Variants in GAS7 observed in about 807,000 individuals in gnomAD.
GAS7 encodes growth arrest specific 7.
Under a neutral mutation model 71.1 loss-of-function variants are expected in GAS7, and 28 were observed. That is an observed-to-expected ratio of 0.39 (90% CI 0.29 to 0.54). The LOEUF (loss-of-function observed/expected upper bound fraction) is 0.54, where lower values mean the gene tolerates loss of function less well. GAS7 is among the 20% of genes least tolerant of loss of function. GAS7 has a pLI of 0.62. For missense variants in GAS7, 436 were observed against 627.8 expected, an observed-to-expected ratio of 0.69 and a Z score of 3.27; for synonymous variants, 258 against 245.8, an observed-to-expected ratio of 1.05 and a Z score of -0.46.
chr17:10,018,187 G>A (rs770472790), intron 2 of GAS7, among the ~76,000 whole-genome samples: 2 of 152,156 alleles, frequency 1.3e-5, no homozygotes, highest in South Asian at 2.1e-4. Flanking sequence ...AGGTGAGACC[G>A]GGGATTATTT....
At chr17:10,049,814 G>T (rs1293543151) in intron 1 of GAS7, among the ~76,000 whole-genome samples, 2 of 151,586 alleles carry the variant, frequency 1.3e-5, no homozygotes, top group African/African-American at 4.8e-5. Flanking sequence ...TAGAGACAGG[G>T]TTTCACCATG....
intron 1 of GAS7, among the ~76,000 whole-genome samples, chr17:10,051,319 C>T (rs1345140865): frequency 6.6e-6 from 1 of 152,180 alleles, no homozygotes; most frequent in Non-Finnish European, 1.5e-5. Context: ...TTCCCAACAG[C>T]ACGGCTAAAC....
chr17:10,180,184 T>C (rs1032974503), intron 1 of GAS7, among the ~76,000 whole-genome samples: 5 of 151,812 alleles, frequency 3.3e-5, no homozygotes, highest in Non-Finnish European at 5.9e-5. Context: ...CTATTAAAAA[T>C]ACAAAAATTA....
intron 1 of GAS7, among the ~76,000 whole-genome samples, chr17:10,136,337 G>T (rs2074038070): frequency 6.6e-6 from 1 of 152,202 alleles, no homozygotes; most frequent in Non-Finnish European, 1.5e-5. Flanking sequence ...AAACCCTTTA[G>T]TTATTTTTGA....
At chr17:10,068,665 G>C (rs1409477183) in intron 1 of GAS7, among the ~76,000 whole-genome samples, 3 of 152,082 alleles carry the variant, frequency 2.0e-5, no homozygotes, top group Non-Finnish European at 4.4e-5. Flanking sequence ...TCGGGAGGCT[G>C]AGATGGAAGG....
chr17:10,124,982 G>A (rs943172646), intron 1 of GAS7, among the ~76,000 whole-genome samples: 2 of 151,270 alleles, frequency 1.3e-5, no homozygotes, highest in Non-Finnish European at 2.9e-5. Context: ...GTGCACTTGA[G>A]TGGTCCACAT....
At chr17:9,931,989 T>A (rs955747866) in intron 9 of GAS7, among the ~76,000 whole-genome samples, 1 of 152,084 alleles carries the variant, frequency 6.6e-6, no homozygotes. Context: ...ACAGGACCAG[T>A]GAGTGCTGAA....
At chr17:9,927,695 C>T (rs1164330143) in intron 9 of GAS7, among the ~76,000 whole-genome samples, 1 of 152,108 alleles carries the variant, frequency 6.6e-6, no homozygotes, top group Non-Finnish European at 1.5e-5. Flanking sequence ...AAAGAACAGT[C>T]GAATGAATGC....
chr17:10,086,672 T>C (rs117214569), intron 1 of GAS7, among the ~76,000 whole-genome samples: 34 of 152,350 alleles, frequency 2.2e-4, no homozygotes, highest in Non-Finnish European at 4.1e-4. Flanking sequence ...CAAAGCTTAT[T>C]CATTAATACA....
intron 1 of GAS7, among the ~76,000 whole-genome samples, chr17:10,060,398 C>T (rs2073207210): frequency 6.6e-6 from 1 of 152,132 alleles, no homozygotes; most frequent in Admixed American, 6.5e-5. Flanking sequence ...GCAACTTTTC[C>T]CTGCTACCAC....
At chr17:9,957,980 A>G (rs552326574) in intron 5 of GAS7, among the ~76,000 whole-genome samples, 1 of 152,172 alleles carries the variant, frequency 6.6e-6, no homozygotes, top group Non-Finnish European at 1.5e-5. Flanking sequence ...CAGTTTCCTC[A>G]TCTGTAAACA....
intron 1 of GAS7, among the ~76,000 whole-genome samples, chr17:10,178,702 CTTTTTTTTTTTTTTTTT>C (rs397857157): frequency 1.2e-4 from 4 of 34,534 alleles, no homozygotes; most frequent in Admixed American, 5.6e-4. Context: ...CCCCCACCAC[CTTTTTTTTTTTTTTTTT>C]TTTTTTTTTT....
intron 1 of GAS7, among the ~76,000 whole-genome samples, chr17:10,030,702 G>C (rs1477841837): frequency 6.6e-6 from 1 of 152,230 alleles, no homozygotes; most frequent in Non-Finnish European, 1.5e-5. Flanking sequence ...GGCTTTAGTA[G>C]ATGCAAATGT....
At chr17:9,922,600 G>A (rs1036219302) in intron 11 of GAS7, among the ~76,000 whole-genome samples, 8 of 152,148 alleles carry the variant, frequency 5.3e-5, no homozygotes, top group Non-Finnish European at 1.2e-4. Flanking sequence ...TGTCACTTTC[G>A]TCACAAAATA....
In GAS7 at chr17:10,198,202, C is replaced by T. The variant is rs749718765; in HGVS notation, c.183+6G>A. The T allele has an allele frequency of 3.7e-6, 6 of 1,607,418 alleles. No individual in the cohort carries two copies. The highest frequency in any genetic ancestry group is 5.1e-6 in the Non-Finnish European group (6 of 1,179,088). ...GGCTCCTACAGCCCCGGCCCTCGCC[C>T]CTTACCTCCAGCAACTGCACGTAGC... On this transcript the variant is annotated splice_donor_region_variant and intron_variant, in intron 1 of 13. Transcript: ENST00000432992.
At chr17:9,925,715 G>A in intron 10 of GAS7, 116 bp from the exon 11 acceptor site, 1 of 1,125,878 alleles carries the variant, frequency 8.9e-7, no homozygotes, top group Non-Finnish European at 1.3e-6. Flanking sequence ...TGTGGATGAT[G>A]CCACAGTGGT....
chr17:9,919,969 TTGTG>T lies in GAS7; in HGVS notation c.1139-268_1139-265del, dbSNP rs34994635. On this transcript the variant is annotated intron_variant, in intron 11 of 13. Coordinates refer to ENST00000432992, the MANE Select transcript of GAS7 (RefSeq NM_201433.2). The surrounding 1 kb of genome is among the most constrained non-coding windows in gnomAD (Gnocchi z 5.0). ...AGGATTCAGGATGGTGGTTCTCATT[TTGTG>T]TGTGTGTGTGTGTGTGTGTGTGTGT... Among the ~76,000 whole-genome samples, 11,689 of 131,328 alleles carry T rather than the reference TTGTG, an allele frequency of 0.089. 540 individuals are homozygous for T. The highest frequency in any genetic ancestry group is 0.099 in the Non-Finnish European group (6,210 of 62,568). 86.2% of individuals were successfully genotyped at this position (131,328 alleles called of 152,430 possible). A position where few individuals can be genotyped will look rare whatever the true frequency, so the allele number is the denominator to read the frequency against.
intron 1 of GAS7, among the ~76,000 whole-genome samples, chr17:10,117,691 C>T (rs1275233522): frequency 6.6e-6 from 1 of 152,122 alleles, no homozygotes; most frequent in Non-Finnish European, 1.5e-5. Context: ...AGCAGAAGCA[C>T]GATGTGTTCA....
At chr17:10,154,846 A>C (rs2074192402) in intron 1 of GAS7, among the ~76,000 whole-genome samples, 1 of 151,386 alleles carries the variant, frequency 6.6e-6, no homozygotes, top group Non-Finnish European at 1.5e-5. Flanking sequence ...GTGTTCAGGA[A>C]AAGTGTGTCC....
Sources: gnomAD v4.1 joint callset for allele counts (sites outside exome capture counted in the v4.1 genomes callset) on GRCh38, gnomAD v4.1.1 for gene constraint, Gnocchi (gnomAD v3.1) non-coding constraint, MANE v1.5 for transcripts, NCBI Gene and HGNC (gene_info 2026-07-23, HGNC 2026-07-21) for gene names.